Variants in ESRRG observed in about 807,000 individuals in gnomAD.
The protein encoded by ESRRG is estrogen related receptor gamma.
ESRRG carries 13 observed loss-of-function variants against 44.0 expected under a neutral mutation model. The observed-to-expected ratio is 0.30, with a 90% confidence interval of 0.19 to 0.47. ESRRG has a LOEUF of 0.47. Ranked by LOEUF, ESRRG falls within the 20% of genes least tolerant of loss-of-function variation. ESRRG has a pLI of 1.00. For missense variants in ESRRG, 395 were observed against 580.6 expected (o/e 0.68, Z 3.29); for synonymous variants, 215 against 214.6 (o/e 1.00, Z -0.02).
chr1:216,906,662 T>C (rs549552387), intron 2 of ESRRG, among the ~76,000 whole-genome samples: 13 of 152,262 alleles, frequency 8.5e-5, no homozygotes, highest in African/African-American at 3.1e-4. Flanking sequence ...CACACACTAG[T>C]GATTGACCTG....
At chr1:216,920,203 A>G (rs1000568095) in intron 2 of ESRRG, among the ~76,000 whole-genome samples, 2 of 152,194 alleles carry the variant, frequency 1.3e-5, no homozygotes, top group African/African-American at 4.8e-5. Flanking sequence ...TCAAAATTCT[A>G]AAGATTGTGG....
chr1:216,930,543 T>A (rs957265201), intron 2 of ESRRG, among the ~76,000 whole-genome samples: 1 of 152,174 alleles, frequency 6.6e-6, no homozygotes, highest in African/African-American at 2.4e-5. Context: ...CTTCTAGTCT[T>A]TGTCAGGGTG....
intron 5 of ESRRG, among the ~76,000 whole-genome samples, chr1:216,530,026 C>T (rs1031023931): frequency 6.8e-5 from 10 of 146,098 alleles, no homozygotes; most frequent in East Asian, 2.1e-4. Context: ...GCAGGAAAAT[C>T]GCTTGAACAC....
chr1:216,668,586 C>G (rs1000661732), intron 2 of ESRRG, among the ~76,000 whole-genome samples: 1 of 152,048 alleles, frequency 6.6e-6, no homozygotes, highest in Non-Finnish European at 1.5e-5. Flanking sequence ...AAAGATCAAC[C>G]ATGAAATACA....
chr1:216,511,547 T>TCACACACACACACACAAACACACACA (rs2042719741), intron 6 of ESRRG, among the ~76,000 whole-genome samples: 1 of 144,828 alleles, frequency 6.9e-6, no homozygotes. Context: ...ATACATAAAT[T>TCACACACACACACACAAACACACACA]CACACACACA....
At chr1:216,736,599 T>G (rs1361334) in intron 2 of ESRRG, among the ~76,000 whole-genome samples, 138,300 of 151,892 alleles carry the variant, frequency 0.91, 63,224 homozygotes, top group South Asian at 0.96. Context: ...GAAGCAAGAG[T>G]TGGTAGAAAG....
chr1:217,008,024 A>G (rs1436197640), intron 1 of ESRRG, among the ~76,000 whole-genome samples: 1 of 152,232 alleles, frequency 6.6e-6, no homozygotes, highest in African/African-American at 2.4e-5. Context: ...ATAGTCTTAC[A>G]TTTCATCTGC....
At chr1:216,763,426 T>C (rs1319571299) in intron 2 of ESRRG, among the ~76,000 whole-genome samples, 3 of 152,000 alleles carry the variant, frequency 2.0e-5, no homozygotes, top group Non-Finnish European at 4.4e-5. Flanking sequence ...CAAATCCCAT[T>C]TGAGTTCACA....
chr1:216,761,236 C>T lies in ESRRG; in HGVS notation c.-13-83745G>A, dbSNP rs190364754. ...TTATACATACTTCCTTTTTTTTTAT[C>T]AATTCCTGGTATTTCCTTTTTGTAA... On this transcript the variant is annotated intron_variant, in intron 2 of 7. Coordinates refer to the ESRRG transcript ENST00000359162. Among the ~76,000 whole-genome samples, 49 of 149,858 alleles carry T rather than the reference C, an allele frequency of 3.3e-4. 1 individual carries two copies. The East Asian group carries it at 9.7e-3, about 30-fold the overall frequency.
intron 2 of ESRRG, among the ~76,000 whole-genome samples, chr1:216,759,722 T>C (rs1286296941): frequency 3.3e-5 from 5 of 152,184 alleles, no homozygotes; most frequent in Non-Finnish European, 7.4e-5. Flanking sequence ...CTTCCTAATA[T>C]ACCTACTATA....
intron 1 of ESRRG, among the ~76,000 whole-genome samples, chr1:217,043,988 G>A (rs1489286802): frequency 6.6e-6 from 1 of 151,218 alleles, no homozygotes; most frequent in Non-Finnish European, 1.5e-5. Context: ...AAAAGAAACC[G>A]ATAGGAATAA....
At position 216,900,115 on chromosome 1, in the gene ESRRG, A is replaced by G. The variant is rs965400518; in HGVS notation, c.-14+39467T>C. ...CCAAATTAGTGATTTTACCCTACAG[A>G]ATCAGGAGCTTTTATAACCTCATTA... On this transcript the variant is annotated intron_variant, in intron 2 of 7. Coordinates refer to the ESRRG transcript ENST00000359162. Among the ~76,000 whole-genome samples, 4 of 152,300 alleles carry G rather than the reference A, an allele frequency of 2.6e-5. No homozygotes were observed. The South Asian group carries it at 6.2e-4, about 24-fold the overall frequency.
intron 2 of ESRRG, among the ~76,000 whole-genome samples, chr1:216,868,473 G>A (rs1399981847): frequency 6.6e-6 from 1 of 152,102 alleles, no homozygotes; most frequent in Non-Finnish European, 1.5e-5. Context: ...ACCCTTGAAG[G>A]ACATTCACAT....
chr1:217,088,752 C>A (rs968797060), intron 1 of ESRRG, among the ~76,000 whole-genome samples: 2 of 151,766 alleles, frequency 1.3e-5, no homozygotes, highest in African/African-American at 4.8e-5. Context: ...AAAAGGTTGC[C>A]GGAAGGGAAA....
intron 1 of ESRRG, among the ~76,000 whole-genome samples, chr1:217,033,688 C>T (rs1235153121): frequency 2.6e-5 from 4 of 152,112 alleles, no homozygotes; most frequent in African/African-American, 9.7e-5. Context: ...AATCCAAATA[C>T]CTTACTTTCA....
intron 2 of ESRRG, among the ~76,000 whole-genome samples, chr1:216,743,539 C>G (rs2091012192): frequency 6.6e-6 from 1 of 152,186 alleles, no homozygotes; most frequent in Non-Finnish European, 1.5e-5. Flanking sequence ...TGAAGGCAGT[C>G]TTAGACCCAG....
chr1:216,774,864 C>T (rs1013291750), intron 2 of ESRRG, among the ~76,000 whole-genome samples: 5 of 136,466 alleles, frequency 3.7e-5, no homozygotes, highest in Non-Finnish European at 6.0e-5. Flanking sequence ...TGCAGTGGCA[C>T]GAGCACAGCT....
chr1:216,941,757 T>C (rs1158706636), intron 1 of ESRRG, among the ~76,000 whole-genome samples: 1 of 152,132 alleles, frequency 6.6e-6, no homozygotes, highest in Non-Finnish European at 1.5e-5. Flanking sequence ...TTACTAAGAA[T>C]GGGGGGAAAA....
chr1:217,090,583 G>C (rs1268247987), upstream of ESRRG: 2 of 152,134 alleles, frequency 1.3e-5, no homozygotes, highest in Non-Finnish European at 2.9e-5. Context: ...TTGTCTCCCA[G>C]AGATGTTCTT....
Sources: gnomAD v4.1 joint callset for allele counts (sites outside exome capture counted in the v4.1 genomes callset) on GRCh38, gnomAD v4.1.1 for gene constraint, MANE v1.5 for transcripts, NCBI Gene and HGNC (gene_info 2026-07-23, HGNC 2026-07-21) for gene names.